Variants in CELF2 observed in about 807,000 individuals in gnomAD.
CELF2 encodes the protein CUG triplet repeat RNA-binding protein 2.
A neutral mutation model predicts 62.6 loss-of-function variants in CELF2; 8 were observed. That is an observed-to-expected ratio of 0.13 (90% CI 0.07 to 0.23). The LOEUF (loss-of-function observed/expected upper bound fraction) is 0.23. Ranked by LOEUF, CELF2 falls within the 10% of genes least tolerant of loss-of-function variation. The probability of loss-of-function intolerance (pLI) is 1.00; values close to 1 mark genes in which losing one functional copy is unlikely to be tolerated. For synonymous variants in CELF2, 258 were observed against 250.0 expected (o/e 1.03, Z -0.30); for missense variants, 333 against 671.0 (o/e 0.50, Z 5.56).
intron 1 of CELF2, among the ~76,000 whole-genome samples, chr10:11,092,981 T>C (rs2048738765): frequency 6.6e-6 from 1 of 152,236 alleles, no homozygotes; most frequent in African/African-American, 2.4e-5. Flanking sequence ...TTTCCTGGCG[T>C]TTCAGATGCT....
intron 2 of CELF2, among the ~76,000 whole-genome samples, chr10:10,980,570 T>C (rs1322913541): frequency 1.3e-5 from 2 of 152,188 alleles, no homozygotes; most frequent in Non-Finnish European, 2.9e-5. Context: ...GGCAATCACC[T>C]TGCATCAACC....
the CELF2 span, among the ~76,000 whole-genome samples, chr10:10,660,468 C>T: frequency 0.28 from 42,808 of 152,054 alleles, 6,279 homozygotes; most frequent in South Asian, 0.46. Context: ...CCAACCACCA[C>T]TTACTTTAGC....
At chr10:10,910,780 G>A (rs1313061244) in intron 1 of CELF2, among the ~76,000 whole-genome samples, 1 of 151,694 alleles carries the variant, frequency 6.6e-6, no homozygotes, top group East Asian at 1.9e-4. Flanking sequence ...TGTTTTTTCG[G>A]TTTTTGCTTT....
chr10:10,885,965 A>G (rs1053689517), intron 1 of CELF2, among the ~76,000 whole-genome samples: 4 of 152,204 alleles, frequency 2.6e-5, no homozygotes, highest in African/African-American at 9.6e-5. Context: ...CACAAGTTCC[A>G]GGGATTAGAC....
At chr10:10,521,508 A>G in the CELF2 span, among the ~76,000 whole-genome samples, 2 of 152,202 alleles carry the variant, frequency 1.3e-5, no homozygotes, top group African/African-American at 4.8e-5. Context: ...CCTCCATGTC[A>G]TGCACTAGGC....
intron 2 of CELF2, among the ~76,000 whole-genome samples, chr10:10,926,541 G>A (rs2065476085): frequency 6.6e-6 from 1 of 152,214 alleles, no homozygotes; most frequent in African/African-American, 2.4e-5. Context: ...ACTACAGCCA[G>A]CACCCTGGTA....
chr10:10,955,303 G>T (rs929718756), intron 2 of CELF2, among the ~76,000 whole-genome samples: 1 of 152,244 alleles, frequency 6.6e-6, no homozygotes, highest in African/African-American at 2.4e-5. Context: ...CACACAGTGC[G>T]AGTATGCCTC....
the CELF2 span, among the ~76,000 whole-genome samples, chr10:10,771,820 C>G: frequency 2.6e-5 from 4 of 152,210 alleles, no homozygotes; most frequent in Non-Finnish European, 4.4e-5. Flanking sequence ...ATGTCTTTCT[C>G]AGCAGCGTGA....
At chr10:10,838,309 A>G (rs1046633017) in intron 1 of CELF2, among the ~76,000 whole-genome samples, 2 of 152,198 alleles carry the variant, frequency 1.3e-5, no homozygotes, top group African/African-American at 2.4e-5. Context: ...TGCTATCAAC[A>G]TGGCTTCTCA....
chr10:10,900,906 G>A (rs2062891998), intron 1 of CELF2, among the ~76,000 whole-genome samples: 1 of 152,202 alleles, frequency 6.6e-6, no homozygotes, highest in Non-Finnish European at 1.5e-5. Flanking sequence ...ATAAATGGAA[G>A]TAAATAGTAT....
chr10:10,994,375 T>C (rs926505716), intron 2 of CELF2, among the ~76,000 whole-genome samples: 2 of 152,232 alleles, frequency 1.3e-5, no homozygotes, highest in South Asian at 2.1e-4. Context: ...TCTCATTTAC[T>C]GATCCAGAAA....
chr10:10,873,620 T>C lies in CELF2; in HGVS notation c.54-46344T>C, dbSNP rs143247623. On this transcript the variant is annotated intron_variant, in intron 1 of 13. Coordinates refer to the CELF2 transcript ENST00000636488. ...TCTCCTATTCAAAATTGGGGCTGCA[T>C]GAAGGGTGGAAGTTTATACAACTTG... 2.0e-5 allele frequency among the ~76,000 whole-genome samples: 3 copies of C among 152,348 alleles called. No individual in the cohort carries two copies. In the East Asian group the frequency reaches 5.8e-4, roughly 29 times the overall value.
chr10:11,185,524 C>G (rs747999977), intron 2 of CELF2, among the ~76,000 whole-genome samples: 2 of 152,216 alleles, frequency 1.3e-5, no homozygotes, highest in Non-Finnish European at 2.9e-5. Flanking sequence ...AAGTGATTCT[C>G]CTGCCTCAGC....
At chr10:10,536,265 A>G in the CELF2 span, among the ~76,000 whole-genome samples, 9 of 152,054 alleles carry the variant, frequency 5.9e-5, no homozygotes, top group South Asian at 2.1e-4. Context: ...TGATCTGCCC[A>G]CCTTGGCCTC....
intron 1 of CELF2, among the ~76,000 whole-genome samples, chr10:10,857,897 A>C (rs2059838606): frequency 6.6e-6 from 1 of 151,736 alleles, no homozygotes; most frequent in Non-Finnish European, 1.5e-5. Flanking sequence ...AAACACAACC[A>C]TAGGGAATTT....
the CELF2 span, among the ~76,000 whole-genome samples, chr10:10,599,725 C>CTTTTTTTTTTTT: frequency 3.1e-4 from 42 of 134,554 alleles, no homozygotes; most frequent in East Asian, 4.4e-4. Context: ...TTCTTTCTTT[C>CTTTTTTTTTTTT]TTTTTTTTTT....
chr10:11,013,352 G>C (rs2056769250), upstream of CELF2, among the ~76,000 whole-genome samples: 1 of 152,238 alleles, frequency 6.6e-6, no homozygotes, highest in African/African-American at 2.4e-5. This position sits in a 1 kb window ranked among gnomAD's most constrained non-coding sequence, Gnocchi z 4.1. Flanking sequence ...GTTAGAGAGG[G>C]AAGTGATGAG....
intron 4 of CELF2, among the ~76,000 whole-genome samples, chr10:11,256,655 G>C (rs2078848254): frequency 9.0e-6 from 1 of 110,650 alleles, no homozygotes; most frequent in Non-Finnish European, 1.8e-5. Flanking sequence ...GTGGGTGTCT[G>C]TGATGTCCTT....
At chr10:10,566,338 GAT>G in the CELF2 span, among the ~76,000 whole-genome samples, 1 of 150,964 alleles carries the variant, frequency 6.6e-6, no homozygotes, top group Admixed American at 6.6e-5. Flanking sequence ...AGTTGCCAGT[GAT>G]TGTGCTGCTC....
Sources: gnomAD v4.1 joint callset for allele counts (sites outside exome capture counted in the v4.1 genomes callset) on GRCh38, gnomAD v4.1.1 for gene constraint, Gnocchi (gnomAD v3.1) non-coding constraint, MANE v1.5 for transcripts, NCBI Gene and HGNC (gene_info 2026-07-23, HGNC 2026-07-21) for gene names.